The following FLNA variants were observed in gnomAD, a reference collection of about 807,000 sequenced individuals.
FLNA encodes filamin A.
Under a neutral mutation model 157.6 loss-of-function variants are expected in FLNA, and 7 were observed. The observed-to-expected ratio is 0.04, with a 90% CI of 0.03 to 0.08. The LOEUF (loss-of-function observed/expected upper bound fraction) is 0.08. Ranked by LOEUF, FLNA falls within the 10% of genes least tolerant of loss-of-function variation. FLNA has a pLI of 1.00. For missense variants in FLNA, 1,750 were observed against 2,398.4 expected (o/e 0.73, Z 5.65); for synonymous variants, 1,103 against 1,060.8 (o/e 1.04, Z -0.77).
At position 154,364,135 on chromosome X, in the gene FLNA, C is replaced by T. The variant is rs2148115805; in HGVS notation, c.2167G>A (p.Val723Ile). 3 of 1,211,118 alleles carry T rather than the reference C, an allele frequency of 2.5e-6. No individual in the cohort carries two copies. Among genetic ancestry groups the T allele is most frequent in the East Asian group, 3.0e-5 (1 of 33,825 alleles). The change falls in exon 15 of 48, where the codon GTC (valine) becomes ATC (isoleucine). Residue 723 changes from valine to isoleucine, a missense_variant. Val to Ile is a conservative substitution (Grantham distance 29, BLOSUM62 3). This residue lies in a region of FLNA where 648 missense variants were observed against 805.8 expected (regional missense o/e 0.80). Coordinates refer to ENST00000369850, the MANE Select transcript of FLNA (RefSeq NM_001110556.2). ...DNEGCPVEAL[V>I]KDNGNGTYSC... ...TAAGTGCCATTGCCGTTGTCCTTGA[C>T]CAACGCCTCCACAGGGCAGCCTTCA...
chrX:154,358,114 C>T, intron 28 of FLNA, 85 bp downstream of exon 28: 1 of 1,053,954 alleles, frequency 9.5e-7, no homozygotes, highest in Non-Finnish European at 1.3e-6. Context: ...TGCAGCTCCG[C>T]AGGGAGATCA....
At position 154,359,544 on chromosome X, in the gene FLNA, T is replaced by C. The variant is rs782774182; in HGVS notation, c.4082A>G (p.His1361Arg). The change falls in exon 24 of 48, where the codon CAC (histidine) becomes CGC (arginine). Residue 1361 changes from histidine to arginine, a missense_variant. Physicochemically the swap from His to Arg is conservative, Grantham distance 29 (BLOSUM62 0). Coordinates refer to ENST00000369850, the MANE Select transcript of FLNA (RefSeq NM_001110556.2). ...EGCDPSRVRVHGPGIQSGTTN... is the reference protein window; with the variant it reads ...EGCDPSRVRVRGPGIQSGTTN... ...GGTGCCACTTTGGATGCCTGGCCCG[T>C]GGACACGCACCCGGGAGGGGTCGCA... is the stretch of plus-strand genomic sequence containing the variant. 1.2e-5 allele frequency: 15 copies of C among 1,209,424 alleles called. No individual in the cohort carries two copies. The East Asian group carries it at 4.4e-4, about 36-fold the overall frequency.
chrX:154,362,895 T>C, intron 15 of FLNA, 111 bp from the exon 16 acceptor site: 1 of 869,578 alleles, frequency 1.1e-6, no homozygotes, highest in East Asian at 3.4e-5. Flanking sequence ...TTGGGAAGAG[T>C]CTGGCAGTTC....
At chrX:154,356,428 C>T (rs1204034205) in intron 30 of FLNA, among the ~76,000 whole-genome samples, 3 of 111,962 alleles carry the variant, frequency 2.7e-5, no homozygotes, top group East Asian at 2.8e-4. Context: ...CCCCGCCCTG[C>T]GCACACACGC....
chrX:154,361,213 AG>A, intron 21 of FLNA, 94 bp downstream of exon 21: 2 of 812,380 alleles, frequency 2.5e-6, no homozygotes, highest in Non-Finnish European at 3.5e-6. Flanking sequence ...AAAAAAAAAA[AG>A]GATTTAGGGC....
chrX:154,350,560 G>A, intron 44 of FLNA: 1 of 385,127 alleles, frequency 2.6e-6, no homozygotes, highest in South Asian at 3.5e-5. Flanking sequence ...GCAGGACTAG[G>A]CCGTGAAATG....
At position 154,364,855 on chromosome X, in the gene FLNA, C is replaced by T. The variant is rs368304859; in HGVS notation, c.1794G>A (p.Val598=). 2.1e-5 allele frequency: 25 copies of T among 1,210,109 alleles called. No individual in the cohort carries two copies. Among genetic ancestry groups the T allele is most frequent in the Non-Finnish European group, 2.3e-5 (21 of 895,269 alleles). Residue 598 remains valine (V), a synonymous_variant, in exon 12 of 48, where the codon GTG becomes GTA. Transcript: ENST00000369850. ...CCACGTCGTCCCCGATAGCCTCCAC[C>T]ACAAAGTCTGCTGACTTGCCAACGA... is the stretch of plus-strand genomic sequence containing the variant. ...GGVVGKSADF[V]VEAIGDDVGT...
rs782580503 is a variant in FLNA, at chrX:154,367,709, C to T, written c.652G>A (p.Ala218Thr). The T allele has an allele frequency of 9.9e-6, 12 of 1,209,619 alleles. No homozygotes were observed. The highest frequency in any genetic ancestry group is 6.5e-5 in the Admixed American group (3 of 45,930). Reference sequence around the variant, plus strand: ...CGCGCATTGGTAACGGGCTTGCTGGCGTCCCAAGAGTCCCAGTCAGGACAC... The same window carrying T: ...CGCGCATTGGTAACGGGCTTGCTGGTGTCCCAAGAGTCCCAGTCAGGACAC... ...GLCPDWDSWD[A>T]SKPVTNAREA... Residue 218 changes from alanine to threonine, a missense_variant, in exon 4 of 48, where the codon GCC becomes ACC. This residue lies in a region of FLNA where 71 missense variants were observed against 239.5 expected (regional missense o/e 0.30). Coordinates refer to ENST00000369850, the MANE Select transcript of FLNA (RefSeq NM_001110556.2).
intron 42 of FLNA, 80 bp downstream of exon 42, chrX:154,351,804 C>T (rs2067622051): frequency 1.7e-6 from 2 of 1,168,216 alleles, no homozygotes; most frequent in East Asian, 3.0e-5. Flanking sequence ...GAGTGCCAGG[C>T]AGGGCTATCT....
At chrX:154,367,303 C>T in intron 5 of FLNA, 94 bp downstream of exon 5, 1 of 1,022,726 alleles carries the variant, frequency 9.8e-7, no homozygotes, top group Non-Finnish European at 1.4e-6. Flanking sequence ...CGCCATGTAA[C>T]CCAAGACCCC....
In FLNA at chrX:154,360,189, C is replaced by T. The variant is rs2148112110; in HGVS notation, c.3606G>A (p.Gly1202=). The T allele has an allele frequency of 8.3e-7, 1 of 1,210,011 alleles. No homozygotes were observed. Among genetic ancestry groups the T allele is most frequent in the Non-Finnish European group, 1.1e-6 (1 of 894,308 alleles). The change falls in exon 22 of 48, where the codon GGG becomes GGA. Residue 1202 remains glycine (G), a synonymous_variant. Transcript: ENST00000369850. ...ELTIEICSEA[G]LPAEVYIQDH... ...CCTGGATGTACACCTCGGCCGGAAG[C>T]CCCGCCTCCGAGCAGATCTCAATGG...
chrX:154,352,536 C>T lies in FLNA; in HGVS notation c.6502+17G>A. ...TTGAGCCCCAGGACCCCTCCCCAGGCTTCCCACAGCCCCTACCAGGGATTT... is the reference window on the plus strand; with the variant it reads ...TTGAGCCCCAGGACCCCTCCCCAGGTTTCCCACAGCCCCTACCAGGGATTT... On this transcript the variant is annotated intron_variant, in intron 40 of 47. Coordinates refer to ENST00000369850, the MANE Select transcript of FLNA (RefSeq NM_001110556.2). 8.3e-7 allele frequency: 1 copy of T among 1,211,698 alleles called. No homozygotes were observed. The highest frequency in any genetic ancestry group is 1.1e-6 in the Non-Finnish European group (1 of 895,577).
At position 154,353,381 on chromosome X, in the gene FLNA, A is replaced by T. The variant is rs2067637160; in HGVS notation, c.5937T>A (p.Asp1979Glu). 2.5e-6 allele frequency: 3 copies of T among 1,211,621 alleles called. No individual in the cohort carries two copies. The highest frequency in any genetic ancestry group is 1.8e-5 in the South Asian group (1 of 57,030). Residue 1979 changes from aspartate to glutamate, a missense_variant, in exon 37 of 48, where the codon GAT (aspartate) becomes GAA (glutamate). Asp to Glu is a conservative substitution (Grantham distance 45). Around this residue, in one of 5 missense-constraint regions of FLNA, gnomAD observed 970 missense variants for 1,302.6 expected, o/e 0.74. Coordinates refer to ENST00000369850, the MANE Select transcript of FLNA (RefSeq NM_001110556.2). Reference protein sequence around the residue: ...ADIPINISETDLSLLTATVVP... With the variant: ...ADIPINISETELSLLTATVVP... Reference sequence around the variant, plus strand: ...CCACAGTGGCCGTCAGCAGGCTGAGATCCGTCTCTGAGATGTTGATGGGGA... The same window carrying T: ...CCACAGTGGCCGTCAGCAGGCTGAGTTCCGTCTCTGAGATGTTGATGGGGA...
rs782072170 is a variant in FLNA, at chrX:154,365,547, C to T, written c.1430-61G>A. ...CGGCTGGGCGACCCCTCCCTTGCCTCCCACAGGGCCGGGCTGTCAGGATTG... is the reference window on the plus strand; with the variant it reads ...CGGCTGGGCGACCCCTCCCTTGCCTTCCACAGGGCCGGGCTGTCAGGATTG... On this transcript the variant is annotated intron_variant, in intron 9 of 47. Transcript: ENST00000369850. The T allele has an allele frequency of 1.0e-4, 119 of 1,168,563 alleles. 1 individual carries two copies. The South Asian group carries it at 2.1e-3, about 21-fold the overall frequency.
Position 154,365,504 on chromosome X carries a change from AG to A in FLNA, c.1430-19del. On this transcript the variant is annotated intron_variant, in intron 9 of 47. Transcript: ENST00000369850. ...GTTACAGGCTGCAGGCAGAGGGGCCAGCTGAGCACCAGCAGCTCGGCTGGGC... is the reference window on the plus strand; with the variant it reads ...GTTACAGGCTGCAGGCAGAGGGGCCACTGAGCACCAGCAGCTCGGCTGGGC... The A allele has an allele frequency of 8.3e-7, 1 of 1,208,664 alleles. No individual in the cohort carries two copies. Among genetic ancestry groups the A allele is most frequent in the Non-Finnish European group, 1.1e-6 (1 of 893,992 alleles).
Position 154,359,767 on chromosome X carries a change from C to T in FLNA, c.3944G>A (p.Gly1315Asp). The change falls in exon 23 of 48, where the codon GGC (glycine) becomes GAC (aspartate). Residue 1315 changes from glycine (G) to aspartate (D), a missense_variant. Physicochemically the swap from Gly to Asp is moderately conservative, Grantham distance 94. Around this residue, in one of 5 missense-constraint regions of FLNA, gnomAD observed 970 missense variants for 1,302.6 expected, o/e 0.74. Transcript: ENST00000369850. The part of the protein sequence containing the change: ...TETYVQDRGD[G>D]MYKVEYTPYE... Reference sequence around the variant, plus strand: ...AGGCGTGTACTCCACTTTGTACATGCCATCGCCACGGTCCTGAACGTAGGT... The same window carrying T: ...AGGCGTGTACTCCACTTTGTACATGTCATCGCCACGGTCCTGAACGTAGGT... 1.7e-6 allele frequency: 2 copies of T among 1,211,027 alleles called. No homozygotes were observed. Among genetic ancestry groups the T allele is most frequent in the Non-Finnish European group, 2.2e-6 (2 of 895,493 alleles).
chrX:154,361,775 C>T lies in FLNA; in HGVS notation c.2839G>A (p.Val947Ile), dbSNP rs782239678. 4.5e-5 allele frequency: 54 copies of T among 1,200,657 alleles called. No individual in the cohort carries two copies. In the South Asian group the frequency reaches 7.1e-4, roughly 16 times the overall value. The stretch of plus-strand genomic sequence containing the variant: ...GGATCCCCTCCATAAGTGACATTGA[C>T]GCCTACTGGACCCTGGGAAGGGTGC... ...YTPVQQGPVG[V>I]NVTYGGDPIP... Residue 947 changes from valine to isoleucine, a missense_variant, in exon 20 of 48, where the codon GTC becomes ATC. Val to Ile is a conservative substitution (Grantham distance 29). Transcript: ENST00000369850.
Position 154,366,645 on chromosome X carries a change from G to A in FLNA, c.988-6C>T, listed in dbSNP as rs781835707. The A allele has an allele frequency of 4.0e-5, 48 of 1,209,172 alleles. No homozygotes were observed. Among genetic ancestry groups the A allele is most frequent in the Admixed American group, 2.0e-4 (9 of 46,012 alleles). On this transcript the variant is annotated splice_polypyrimidine_tract_variant and splice_region_variant and intron_variant, in intron 6 of 47. Transcript: ENST00000369850. ...TTATTGGCGGTCACTTTTGCCTGCA[G>A]TGGGAAGGAGCCTGTGAGCCTTTGC...
chrX:154,358,514 T>C lies in FLNA; in HGVS notation c.4529A>G (p.Asn1510Ser), dbSNP rs1557177309. ...VDNADGTQTV[N>S]YVPSREGPYS... ...GGGCCCTTCTCGGCTGGGCACATAA[T>C]TGACGGTCTGGGTGCCATCAGCGTT... The change falls in exon 27 of 48, where the codon AAT (asparagine) becomes AGT (serine). Residue 1510 changes from asparagine (N) to serine (S), a missense_variant. Physicochemically the swap from Asn to Ser is conservative, Grantham distance 46. Transcript: ENST00000369850. 8.3e-7 allele frequency: 1 copy of C among 1,210,005 alleles called. No individual in the cohort carries two copies. The highest frequency in any genetic ancestry group is 1.8e-5 in the South Asian group (1 of 56,948).
Sources: gnomAD v4.1 joint callset for allele counts (sites outside exome capture counted in the v4.1 genomes callset) on GRCh38, gnomAD v4.1.1 for gene constraint, gnomAD v4.1.1 regional missense constraint, MANE v1.5 for transcripts, NCBI Gene and HGNC (gene_info 2026-07-23, HGNC 2026-07-21) for gene names.